Variants in LSAMP observed in about 807,000 individuals in gnomAD.
The protein encoded by LSAMP is limbic system-associated membrane protein.
A neutral mutation model predicts 38.6 loss-of-function variants in LSAMP; 7 were observed. That is an observed-to-expected ratio of 0.18 (90% CI 0.10 to 0.34). The LOEUF is 0.34. Ranked by LOEUF, LSAMP falls within the 10% of genes least tolerant of loss-of-function variation. The pLI is 1.00. For synonymous variants in LSAMP, 154 were observed against 166.8 expected (o/e 0.92, Z 0.59); for missense variants, 313 against 420.0 (o/e 0.75, Z 2.23).
chr3:116,164,658 A>G (rs1709993386), intron 1 of LSAMP, among the ~76,000 whole-genome samples: 2 of 138,838 alleles, frequency 1.4e-5, no homozygotes, highest in African/African-American at 2.7e-5. Context: ...CCAAATATAT[A>G]TATATAATCC....
At position 115,803,630 on chromosome 3, in the gene LSAMP, T is replaced by C. The variant is rs1311350358; in HGVS notation, c.*6687A>G. On this transcript the variant is annotated 3_prime_UTR_variant, in exon 7 of 7. Transcript: ENST00000490035. ...GTTTATTTTTGTTTTATTTTCAGCT[T>C]GTCTTCTTTAAATAGAATTGACTTG... 1 of 152,248 alleles carries C rather than the reference T, an allele frequency of 6.6e-6. No homozygotes were observed. Among genetic ancestry groups the C allele is most frequent in the Non-Finnish European group, 1.5e-5 (1 of 68,042 alleles). 9.4% of individuals were successfully genotyped at this position (152,248 alleles called of 1,614,324 possible).
At chr3:116,028,410 C>A (rs180740938) in intron 2 of LSAMP, among the ~76,000 whole-genome samples, 4 of 152,282 alleles carry the variant, frequency 2.6e-5, no homozygotes, top group Admixed American at 2.0e-4. Context: ...GCTCACAGTG[C>A]AGCAGAATAT....
intron 3 of LSAMP, among the ~76,000 whole-genome samples, chr3:115,877,599 CA>C (rs5851982): frequency 0.32 from 47,884 of 151,840 alleles, 9,127 homozygotes; most frequent in African/African-American, 0.54. Flanking sequence ...TATTTTGTTT[CA>C]AAAAAAGGCA....
intron 1 of LSAMP, among the ~76,000 whole-genome samples, chr3:116,372,115 G>A (rs1049868260): frequency 3.3e-5 from 5 of 151,894 alleles, no homozygotes; most frequent in South Asian, 2.1e-4. Context: ...TGAACTACTA[G>A]CTCGATACAA....
chr3:116,170,909 T>A (rs181453972), intron 1 of LSAMP, among the ~76,000 whole-genome samples: 2 of 152,238 alleles, frequency 1.3e-5, no homozygotes, highest in Admixed American at 1.3e-4. Flanking sequence ...TCTTTCTCTA[T>A]GTTCGTTCAA....
At chr3:116,035,031 T>A (rs1436522296) in intron 2 of LSAMP, among the ~76,000 whole-genome samples, 2 of 152,208 alleles carry the variant, frequency 1.3e-5, no homozygotes, top group Non-Finnish European at 2.9e-5. Context: ...AGGTTTCAGC[T>A]ATAAGCCAGC....
At chr3:116,108,867 G>A (rs879976331) in intron 1 of LSAMP, among the ~76,000 whole-genome samples, 2 of 152,130 alleles carry the variant, frequency 1.3e-5, no homozygotes, top group Non-Finnish European at 2.9e-5. Flanking sequence ...GATGTGGCTG[G>A]GGTTTGTCTC....
chr3:116,207,382 T>A (rs2046085073), intron 1 of LSAMP, among the ~76,000 whole-genome samples: 1 of 152,026 alleles, frequency 6.6e-6, no homozygotes, highest in South Asian at 2.1e-4. Flanking sequence ...TGTCTTTTAA[T>A]TGGAGCATTT....
At chr3:116,223,426 G>A (rs933362010) in intron 1 of LSAMP, among the ~76,000 whole-genome samples, 2 of 152,144 alleles carry the variant, frequency 1.3e-5, no homozygotes, top group Non-Finnish European at 2.9e-5. Flanking sequence ...TATTCTAAAT[G>A]TCCAAAATTG....
Position 116,031,538 on chromosome 3 carries a change from C to CTTTTTTTTTTTTTTTTTTTT in LSAMP, c.389-11918_389-11899dup, listed in dbSNP as rs56951507. On this transcript the variant is annotated intron_variant, in intron 2 of 6. Transcript: ENST00000490035. Reference sequence around the variant, plus strand: ...CATGCCTACATAACTAGCCTAAATTCTTTTTTTTTTTTTTTTTTTTTTTTT... The same window carrying CTTTTTTTTTTTTTTTTTTTT: ...CATGCCTACATAACTAGCCTAAATTCTTTTTTTTTTTTTTTTTTTTTTTTTTTTTTTTTTTTTTTTTTTTT... Among the ~76,000 whole-genome samples, 5 of 60,278 alleles carry CTTTTTTTTTTTTTTTTTTTT rather than the reference C, an allele frequency of 8.3e-5. 1 individual carries two copies. Among genetic ancestry groups the CTTTTTTTTTTTTTTTTTTTT allele is most frequent in the Non-Finnish European group, 1.6e-4 (5 of 31,522 alleles). The allele number at this position is 60,278 out of a possible 152,430, so 39.5% of individuals were successfully genotyped here.
At chr3:116,199,424 G>C (rs778794663) in intron 1 of LSAMP, among the ~76,000 whole-genome samples, 69 of 152,086 alleles carry the variant, frequency 4.5e-4, no homozygotes, top group Non-Finnish European at 7.1e-4. Flanking sequence ...TATTATGTTA[G>C]TTCATTTGCT....
At chr3:115,951,854 A>G (rs1285079174) in intron 3 of LSAMP, among the ~76,000 whole-genome samples, 2 of 151,996 alleles carry the variant, frequency 1.3e-5, no homozygotes, top group Non-Finnish European at 2.9e-5. Flanking sequence ...TCATATATAT[A>G]TATATATCCT....
intron 1 of LSAMP, among the ~76,000 whole-genome samples, chr3:116,161,829 G>A (rs925624290): frequency 6.6e-6 from 1 of 152,066 alleles, no homozygotes; most frequent in Non-Finnish European, 1.5e-5. Flanking sequence ...GGAATAAGAA[G>A]CCTCATATTC....
chr3:115,999,898 G>T (rs1395044693), intron 3 of LSAMP, among the ~76,000 whole-genome samples: 1 of 152,154 alleles, frequency 6.6e-6, no homozygotes, highest in Non-Finnish European at 1.5e-5. Context: ...ACAGCTGTCA[G>T]CTGCCATTAG....
At chr3:116,284,878 C>G (rs576603611) in intron 1 of LSAMP, among the ~76,000 whole-genome samples, 2 of 152,240 alleles carry the variant, frequency 1.3e-5, no homozygotes, top group South Asian at 2.1e-4. Flanking sequence ...ATCTAGTTGT[C>G]TCTTCATCAG....
intron 3 of LSAMP, among the ~76,000 whole-genome samples, chr3:115,901,074 T>A (rs897456495): frequency 6.6e-6 from 1 of 152,134 alleles, no homozygotes; most frequent in Admixed American, 6.6e-5. Context: ...CTATACATGC[T>A]GAGTAAGAGA....
chr3:116,393,551 T>C (rs1302346514), intron 1 of LSAMP, among the ~76,000 whole-genome samples: 3 of 152,020 alleles, frequency 2.0e-5, no homozygotes, highest in Non-Finnish European at 4.4e-5. Flanking sequence ...GTAGTGTGAG[T>C]CAAGTGCAGC....
chr3:116,333,189 A>G (rs1369021749), intron 1 of LSAMP, among the ~76,000 whole-genome samples: 1 of 152,124 alleles, frequency 6.6e-6, no homozygotes, highest in Admixed American at 6.6e-5. Context: ...CTTCTCAAGT[A>G]CCCTGGGATA....
chr3:116,053,932 A>G (rs1231310538), intron 2 of LSAMP, among the ~76,000 whole-genome samples: 3 of 152,176 alleles, frequency 2.0e-5, no homozygotes, highest in Non-Finnish European at 4.4e-5. Flanking sequence ...TTTAAATACC[A>G]TATTACTTTC....
Sources: gnomAD v4.1 joint callset for allele counts (sites outside exome capture counted in the v4.1 genomes callset) on GRCh38, gnomAD v4.1.1 for gene constraint, MANE v1.5 for transcripts, NCBI Gene and HGNC (gene_info 2026-07-23, HGNC 2026-07-21) for gene names.